The following SND1 variants were observed in gnomAD, a reference collection of about 807,000 sequenced individuals.
SND1 encodes the protein staphylococcal nuclease domain-containing protein 1.
Under a neutral mutation model 121.7 loss-of-function variants are expected in SND1, and 38 were observed. The ratio of observed to expected loss-of-function variants is 0.31; its 90% confidence interval spans 0.24 to 0.41. The LOEUF (loss-of-function observed/expected upper bound fraction) is 0.41. SND1 is among the 10% of genes least tolerant of loss of function. SND1 has a pLI of 1.00. For synonymous variants in SND1, 401 were observed against 447.4 expected, an observed-to-expected ratio of 0.90 and a Z score of 1.31; for missense variants, 868 against 1,184.6, an observed-to-expected ratio of 0.73 and a Z score of 3.92.
intron 4 of SND1, among the ~76,000 whole-genome samples, chr7:127,699,490 C>G (rs141935026): frequency 2.2e-3 from 337 of 152,298 alleles, no homozygotes; most frequent in Non-Finnish European, 3.9e-3. Flanking sequence ...CTCACTTGTT[C>G]TGTTTTCAGA....
At chr7:127,769,153 C>A (rs1387678547) in intron 10 of SND1, among the ~76,000 whole-genome samples, 1 of 152,094 alleles carries the variant, frequency 6.6e-6, no homozygotes, top group Non-Finnish European at 1.5e-5. Context: ...GGTCTTGATA[C>A]TGCTGGTAAA....
At chr7:127,866,351 C>T (rs1032684366) in intron 12 of SND1, among the ~76,000 whole-genome samples, 4 of 152,166 alleles carry the variant, frequency 2.6e-5, no homozygotes, top group Non-Finnish European at 4.4e-5. Context: ...GTTCAAGAAG[C>T]ATATAGCATT....
At chr7:127,732,430 G>A (rs555255298) in intron 10 of SND1, among the ~76,000 whole-genome samples, 3 of 152,220 alleles carry the variant, frequency 2.0e-5, no homozygotes, top group African/African-American at 7.2e-5. Context: ...TTACAAAGGA[G>A]TATGTTGCTG....
At chr7:127,884,222 G>A (rs1016378709) in intron 12 of SND1, among the ~76,000 whole-genome samples, 6 of 151,828 alleles carry the variant, frequency 4.0e-5, no homozygotes, top group Admixed American at 6.6e-5. Flanking sequence ...GGCTTATCTT[G>A]TACTGTCTTC....
intron 12 of SND1, chr7:127,857,923 A>G (rs1799311616): frequency 7.3e-7 from 1 of 1,377,120 alleles, no homozygotes; most frequent in Non-Finnish European, 1.0e-6. Flanking sequence ...CCGGCAGTAA[A>G]CACCATCAGG....
intron 12 of SND1, among the ~76,000 whole-genome samples, chr7:127,875,769 A>T (rs1272833792): frequency 6.6e-6 from 1 of 152,164 alleles, no homozygotes; most frequent in African/African-American, 2.4e-5. Flanking sequence ...GATGTTCATT[A>T]TGTCTGAAAT....
In SND1 at chr7:127,686,705, A is replaced by C. The variant is rs757663085; in HGVS notation, c.171A>C (p.Gly57=). ...TCAACCTCAGCAACATTCGTGCTGGAAATCTTGCTCGCCGGGCAGCCGCCA... is the reference window on the plus strand; with the variant it reads ...TCAACCTCAGCAACATTCGTGCTGGCAATCTTGCTCGCCGGGCAGCCGCCA... ...RQINLSNIRA[G]NLARRAAATQ... The change falls in exon 2 of 24, where the codon GGA becomes GGC. Residue 57 remains glycine, a synonymous_variant. Transcript: ENST00000354725. 1 of 1,614,138 alleles carries C rather than the reference A, an allele frequency of 6.2e-7. No individual in the cohort carries two copies. Among genetic ancestry groups the C allele is most frequent in the South Asian group, 1.1e-5 (1 of 91,078 alleles).
intron 12 of SND1, among the ~76,000 whole-genome samples, chr7:127,884,586 GC>G (rs11340489): frequency 0.017 from 2,591 of 152,184 alleles, 92 homozygotes; most frequent in African/African-American, 0.059. Context: ...TTTGGAACAG[GC>G]CCGTAGCTCA....
chr7:128,090,392 G>C (rs1391165483), intron 22 of SND1, among the ~76,000 whole-genome samples: 1 of 152,182 alleles, frequency 6.6e-6, no homozygotes, highest in Non-Finnish European at 1.5e-5. Context: ...ATACATTTCT[G>C]AGTCCCTCTC....
At chr7:127,942,940 T>G (rs1801248300) in intron 15 of SND1, among the ~76,000 whole-genome samples, 2 of 152,172 alleles carry the variant, frequency 1.3e-5, no homozygotes. Flanking sequence ...ATATTATACA[T>G]TAATAATATG....
intron 9 of SND1, among the ~76,000 whole-genome samples, chr7:127,710,074 C>T (rs1405736753): frequency 1.3e-5 from 2 of 150,868 alleles, no homozygotes; most frequent in African/African-American, 2.4e-5. Context: ...TGGCTGGGCA[C>T]TTGTTTTTGC....
At chr7:127,775,811 A>G (rs1797609515) in intron 10 of SND1, among the ~76,000 whole-genome samples, 1 of 152,100 alleles carries the variant, frequency 6.6e-6, no homozygotes, top group Admixed American at 6.5e-5. Flanking sequence ...GTATTCTGTT[A>G]TATATAGCAA....
intron 10 of SND1, among the ~76,000 whole-genome samples, chr7:127,787,448 G>A (rs917529553): frequency 2.6e-5 from 4 of 152,158 alleles, no homozygotes; most frequent in African/African-American, 4.8e-5. Flanking sequence ...TGTTGCCCAG[G>A]CTGGTCTTGA....
intron 16 of SND1, among the ~76,000 whole-genome samples, chr7:128,020,249 A>G (rs1464213177): frequency 1.3e-5 from 2 of 152,246 alleles, no homozygotes; most frequent in Admixed American, 6.5e-5. Context: ...TTAAGCACAG[A>G]TAACAGTACT....
intron 2 of SND1, 169 bp from the exon 3 acceptor site, chr7:127,694,659 G>A: frequency 1.4e-6 from 1 of 716,558 alleles, no homozygotes; most frequent in Non-Finnish European, 2.2e-6. Flanking sequence ...AGCCCCCTAA[G>A]TGTGCGATCT....
chr7:127,685,736 C>T (rs150103543), intron 1 of SND1, among the ~76,000 whole-genome samples: 13 of 152,270 alleles, frequency 8.5e-5, no homozygotes, highest in Non-Finnish European at 1.9e-4. Flanking sequence ...TAGATTCTTA[C>T]GTTTTAATCA....
Position 128,029,287 on chromosome 7 carries a change from T to C in SND1, c.1779+38231T>C, listed in dbSNP as rs767816304. 1 of 1,614,112 alleles carries C rather than the reference T, an allele frequency of 6.2e-7. No homozygotes were observed. ...TCCACTGTTACTGTGGTGAAGAAGC[T>C]GTAGTTGGAGGTGTTAAGCTCAGCC... On this transcript the variant is annotated intron_variant, in intron 16 of 23. Transcript: ENST00000354725. The surrounding 1 kb of genome is among the most constrained non-coding windows in gnomAD (Gnocchi z 4.2).
intron 16 of SND1, among the ~76,000 whole-genome samples, chr7:128,038,724 G>A (rs1214589777): frequency 6.6e-6 from 1 of 151,418 alleles, no homozygotes; most frequent in African/African-American, 2.4e-5. Flanking sequence ...CTTATAGACA[G>A]GTCAAAAATA....
At chr7:128,028,619 A>G in intron 16 of SND1, 3 of 1,500,182 alleles carry the variant, frequency 2.0e-6, no homozygotes, top group Non-Finnish European at 2.7e-6. Context: ...CACTCTGTAC[A>G]AAAGTTGCTG....
Sources: allele counts gnomAD v4.1 joint callset (sites outside exome capture counted in the v4.1 genomes callset), GRCh38; gene constraint gnomAD v4.1.1; non-coding constraint Gnocchi (gnomAD v3.1); transcripts MANE v1.5; gene names NCBI Gene and HGNC (gene_info 2026-07-23, HGNC 2026-07-21).